The following GMFB variants were observed in gnomAD, a reference collection of about 807,000 sequenced individuals.
GMFB encodes the protein glia maturation factor beta.
GMFB carries 13 observed loss-of-function variants against 25.6 expected under a neutral mutation model. That is an observed-to-expected ratio of 0.51 (90% CI 0.33 to 0.81). The LOEUF is 0.81. Among genes scored for constraint, GMFB ranks in the 30% least tolerant of loss-of-function variants. The pLI is 0.02. For synonymous variants in GMFB, 57 were observed against 56.9 expected, an observed-to-expected ratio of 1.00 and a Z score of 0.00; for missense variants, 146 against 175.4, an observed-to-expected ratio of 0.83 and a Z score of 0.95.
chr14:54,487,525 C>T (rs968375671), intron 1 of GMFB, among the ~76,000 whole-genome samples: 1 of 151,450 alleles, frequency 6.6e-6, no homozygotes, highest in Admixed American at 6.6e-5. Flanking sequence ...CGCGACAGAG[C>T]GAGACTCCAT....
chr14:54,479,962 G>C (rs2031689427), intron 5 of GMFB, 103 bp from the exon 6 acceptor site: 2 of 706,154 alleles, frequency 2.8e-6, no homozygotes, highest in Non-Finnish European at 5.0e-6. Flanking sequence ...GATTTCCTTT[G>C]CTATTGAGTT....
intron 1 of GMFB, 38 bp downstream of exon 1, chr14:54,488,887 C>T (rs775966721): frequency 6.5e-6 from 10 of 1,547,112 alleles, no homozygotes; most frequent in Non-Finnish European, 8.7e-6. Context: ...GCCGGCTCGC[C>T]CAGCCCTCCG....
In GMFB at chr14:54,475,588, CAAA is replaced by C. The variant is rs2031628307; in HGVS notation, c.*2497_*2499del. ...ATACCAGAACAAAGTGATCACTATTCAAAACTCAGACATTTTGGAATTTCAGCA... is the reference window on the plus strand; with the variant it reads ...ATACCAGAACAAAGTGATCACTATTCACTCAGACATTTTGGAATTTCAGCA... On this transcript the variant is annotated 3_prime_UTR_variant, in exon 7 of 7. Transcript: ENST00000358056. 6.6e-6 allele frequency: 1 copy of C among 152,508 alleles called. No homozygotes were observed. Among genetic ancestry groups the C allele is most frequent in the Non-Finnish European group, 1.5e-5 (1 of 67,956 alleles). 9.4% of individuals were successfully genotyped at this position (152,508 alleles called of 1,614,324 possible).
chr14:54,480,860 A>C lies in GMFB; in HGVS notation c.283+14T>G. On this transcript the variant is annotated intron_variant, in intron 5 of 6. Transcript: ENST00000358056. ...TCTAAGCCAAATATGTGTTATTTAA[A>C]GAAATTCACTTACCAACAGGACTGG... is the stretch of plus-strand genomic sequence containing the variant. The C allele has an allele frequency of 7.6e-7, 1 of 1,324,024 alleles. No individual in the cohort carries two copies. Among genetic ancestry groups the C allele is most frequent in the Non-Finnish European group, 1.1e-6 (1 of 931,800 alleles). The allele number at this position is 1,324,024 out of a possible 1,614,324, so 82.0% of individuals were successfully genotyped here. A position where few individuals can be genotyped will look rare whatever the true frequency, so the allele number is the denominator to read the frequency against.
At chr14:54,487,469 G>A (rs1455826317) in intron 1 of GMFB, among the ~76,000 whole-genome samples, 1 of 152,038 alleles carries the variant, frequency 6.6e-6, no homozygotes, top group Non-Finnish European at 1.5e-5. Context: ...AACCAGGGAG[G>A]CGGAGCTTGC....
rs986744849 is a variant in GMFB at position 54,476,623 on chromosome 14, T to C, written c.*1465A>G. The C allele has an allele frequency of 6.6e-6, 1 of 152,022 alleles. No homozygotes were observed. Among genetic ancestry groups the C allele is most frequent in the Non-Finnish European group, 1.5e-5 (1 of 67,888 alleles). 9.4% of individuals were successfully genotyped at this position (152,022 alleles called of 1,614,324 possible). ...TCTAAATTAGTGAAGCCAAACAGTG[T>C]TGGGAACAGAAGATGTTCTATTCAA... On this transcript the variant is annotated 3_prime_UTR_variant, in exon 7 of 7. Transcript: ENST00000358056.
chr14:54,481,086 A>G, intron 4 of GMFB, 130 bp from the exon 5 acceptor site: 1 of 581,778 alleles, frequency 1.7e-6, no homozygotes. Context: ...TCTTTCCACA[A>G]AATTAAATGG....
In GMFB at chr14:54,484,129, A is replaced by G. The variant is rs116428233; in HGVS notation, c.4-362T>C. ...TCTGCTGTTAGAAAGGGAGTCAAGC[A>G]TACTATTTTTACACAGTGAAGGAAG... is the stretch of plus-strand genomic sequence containing the variant. On this transcript the variant is annotated intron_variant, in intron 1 of 6. Transcript: ENST00000358056. 2,195 of 319,188 alleles carry G rather than the reference A, an allele frequency of 6.9e-3. 53 individuals carry two copies. The highest frequency in any genetic ancestry group is 0.044 in the African/African-American group (2,020 of 45,898). The allele number at this position is 319,188 out of a possible 1,614,324, so 19.8% of individuals were successfully genotyped here. A position where few individuals can be genotyped will look rare whatever the true frequency, so the allele number is the denominator to read the frequency against.
Position 54,478,177 on chromosome 14 carries a change from ACTTGGGTC to A in GMFB, c.358-26_358-19del. 1.2e-5 allele frequency: 13 copies of A among 1,049,896 alleles called. No homozygotes were observed. Among genetic ancestry groups the A allele is most frequent in the Non-Finnish European group, 1.6e-5 (12 of 748,360 alleles). The allele number at this position is 1,049,896 out of a possible 1,614,324, so 65.0% of individuals were successfully genotyped here. ...TCAAATACCTTTAAAAAAAAAAAAA[ACTTGGGTC>A]ATACTTTGACACTCCAAAAAAAAAG... On this transcript the variant is annotated intron_variant, in intron 6 of 6. Transcript: ENST00000358056.
rs1566495725 is a variant in GMFB, at chr14:54,475,352, G to C, written c.*2736C>G. The C allele has an allele frequency of 6.6e-6, 1 of 152,454 alleles. No homozygotes were observed. The highest frequency in any genetic ancestry group is 1.5e-5 in the Non-Finnish European group (1 of 67,944). The allele number at this position is 152,454 out of a possible 1,614,324, so 9.4% of individuals were successfully genotyped here. A position where few individuals can be genotyped will look rare whatever the true frequency, so the allele number is the denominator to read the frequency against. On this transcript the variant is annotated 3_prime_UTR_variant, in exon 7 of 7. Coordinates refer to ENST00000358056, the MANE Select transcript of GMFB (RefSeq NM_004124.3). ...CTACATTTGACTCCTGAAAATAGGA[G>C]ATAAAAAAGGAGGGAAAAGTGCTGA...
chr14:54,488,189 T>C (rs534652196), intron 1 of GMFB, among the ~76,000 whole-genome samples: 2 of 152,344 alleles, frequency 1.3e-5, no homozygotes, highest in African/African-American at 2.4e-5. Flanking sequence ...TAAAACCTAA[T>C]GGGATGGATC....
chr14:54,478,767 C>A (rs2031673125), intron 6 of GMFB: 1 of 152,172 alleles, frequency 6.6e-6, no homozygotes, highest in South Asian at 2.1e-4. Context: ...TGTTATGCAA[C>A]CCTGAGCAAG....
intron 1 of GMFB, chr14:54,488,566 GGAGCCCTCC>G: frequency 3.8e-6 from 1 of 259,782 alleles, no homozygotes; most frequent in South Asian, 1.5e-4. Context: ...AGGAATTGAG[GGAGCCCTCC>G]GATGGGGCAG....
At chr14:54,488,132 C>A (rs2031814286) in intron 1 of GMFB, among the ~76,000 whole-genome samples, 1 of 152,206 alleles carries the variant, frequency 6.6e-6, no homozygotes, top group African/African-American at 2.4e-5. Context: ...AGTGGATGGT[C>A]ACAGAGAGCA....
intron 4 of GMFB, 92 bp from the exon 5 acceptor site, chr14:54,481,048 A>G (rs907669338): frequency 6.3e-6 from 4 of 631,920 alleles, no homozygotes; most frequent in African/African-American, 1.9e-5. Context: ...TTTCTGTCCT[A>G]TTCTTTTAGG....
rs1418131757 is a variant in GMFB at position 54,476,366 on chromosome 14, T to G, written c.*1722A>C. The G allele has an allele frequency of 1.3e-5, 2 of 152,056 alleles. No homozygotes were observed. The highest frequency in any genetic ancestry group is 2.4e-5 in the African/African-American group (1 of 41,434). The allele number at this position is 152,056 out of a possible 1,614,324, so 9.4% of individuals were successfully genotyped here. ...TGAAACAAAACCTCATTTCCTTCAT[T>G]CAAAAACATTAAAAACACTCTCCAC... is the stretch of plus-strand genomic sequence containing the variant. On this transcript the variant is annotated 3_prime_UTR_variant, in exon 7 of 7. Coordinates refer to ENST00000358056, the MANE Select transcript of GMFB (RefSeq NM_004124.3).
At chr14:54,479,665 A>T in intron 6 of GMFB, 121 bp downstream of exon 6, 1 of 562,426 alleles carries the variant, frequency 1.8e-6, no homozygotes, top group East Asian at 3.0e-5. Flanking sequence ...TGGCTAACTT[A>T]CTAATCTGGT....
intron 1 of GMFB, among the ~76,000 whole-genome samples, chr14:54,485,804 A>C (rs1236706773): frequency 6.6e-6 from 1 of 152,228 alleles, no homozygotes; most frequent in East Asian, 1.9e-4. Flanking sequence ...AACCACACAC[A>C]CAGGCCAATG....
intron 1 of GMFB, among the ~76,000 whole-genome samples, chr14:54,486,635 T>A (rs138952676): frequency 1.3e-3 from 198 of 152,330 alleles, no homozygotes; most frequent in African/African-American, 4.0e-3. Context: ...TTAGTCCTAA[T>A]AATAGTTAAC....
Sources: gnomAD v4.1 joint callset for allele counts (sites outside exome capture counted in the v4.1 genomes callset) on GRCh38, gnomAD v4.1.1 for gene constraint, MANE v1.5 for transcripts, NCBI Gene and HGNC (gene_info 2026-07-23, HGNC 2026-07-21) for gene names.